Variants in ANKRD11 observed in about 807,000 individuals in gnomAD.
ANKRD11 encodes the protein ankyrin repeat domain 11, also known as ankyrin repeat domain-containing protein 11.
A neutral mutation model predicts 195.7 loss-of-function variants in ANKRD11; 17 were observed. The ratio of observed to expected loss-of-function variants is 0.09; its 90% CI spans 0.06 to 0.13. The LOEUF is 0.13. ANKRD11 is among the 10% of genes least tolerant of loss of function. ANKRD11 has a pLI of 1.00. For synonymous variants in ANKRD11, 1,953 were observed against 1,528.1 expected (o/e 1.28, Z -6.49); for missense variants, 3,735 against 3,566.1 (o/e 1.05, Z -1.21).
intron 2 of ANKRD11, chr16:89,323,657 C>T (rs1010389955): frequency 6.5e-5 from 21 of 320,966 alleles, no homozygotes; most frequent in Non-Finnish European, 8.4e-5. Flanking sequence ...CAGGCCCTCC[C>T]GCACACCGCC....
chr16:89,478,398 A>G (rs1437323421), intron 1 of ANKRD11, among the ~76,000 whole-genome samples: 2 of 152,060 alleles, frequency 1.3e-5, no homozygotes, highest in African/African-American at 4.8e-5. Flanking sequence ...TCATAGGAAA[A>G]AAGATCCCTC....
intron 2 of ANKRD11, among the ~76,000 whole-genome samples, chr16:89,398,999 A>G (rs572340903): frequency 1.3e-5 from 2 of 152,272 alleles, no homozygotes; most frequent in Admixed American, 1.3e-4. Flanking sequence ...TCAGTTTTTT[A>G]AAATTGTTAA....
chr16:89,447,097 G>A, intron 1 of ANKRD11, among the ~76,000 whole-genome samples: 1 of 152,006 alleles, frequency 6.6e-6, no homozygotes. Flanking sequence ...GCACGTGACT[G>A]CATGACCCCC....
At chr16:89,381,593 T>C (rs111742532) in intron 2 of ANKRD11, among the ~76,000 whole-genome samples, 2 of 152,178 alleles carry the variant, frequency 1.3e-5, no homozygotes, top group African/African-American at 2.4e-5. Flanking sequence ...GATGATACGC[T>C]TTCCAACAAG....
chr16:89,394,917 A>G (rs1472783864), intron 2 of ANKRD11, among the ~76,000 whole-genome samples: 1 of 152,224 alleles, frequency 6.6e-6, no homozygotes, highest in Non-Finnish European at 1.5e-5. Flanking sequence ...TTTGCAGCCA[A>G]TTCAGAGGCG....
chr16:89,316,591 A>C (rs566549418), intron 3 of ANKRD11, among the ~76,000 whole-genome samples: 1 of 152,376 alleles, frequency 6.6e-6, no homozygotes, highest in East Asian at 1.9e-4. Flanking sequence ...CATTGCTTGC[A>C]GTCAGGATAT....
Position 89,281,883 on chromosome 16 carries a change from A to G in ANKRD11, c.4659T>C (p.Asp1553=). 6.2e-7 allele frequency: 1 copy of G among 1,613,740 alleles called. No individual in the cohort carries two copies. Among genetic ancestry groups the G allele is most frequent in the Non-Finnish European group, 8.5e-7 (1 of 1,179,982 alleles). ...GDPVKMSNGN[D]KVAPSKDPGK... The stretch of plus-strand genomic sequence containing the variant: ...CTGGGTCTTTGGATGGCGCTACCTT[A>G]TCATTCCCGTTGCTCATCTTCACTG... Residue 1553 remains aspartate, a synonymous_variant, in exon 9 of 13, where the codon GAT becomes GAC. Coordinates refer to ENST00000301030, the MANE Select transcript of ANKRD11 (RefSeq NM_013275.6). The surrounding 1 kb of genome is among the most constrained non-coding windows in gnomAD (Gnocchi z 5.5).
intron 2 of ANKRD11, among the ~76,000 whole-genome samples, chr16:89,347,793 A>T (rs1424340507): frequency 1.3e-5 from 2 of 152,192 alleles, no homozygotes; most frequent in East Asian, 3.8e-4. Flanking sequence ...GGCATCTCCA[A>T]CATTAGGAAA....
chr16:89,436,180 G>A (rs981560804), intron 1 of ANKRD11, among the ~76,000 whole-genome samples: 3 of 152,054 alleles, frequency 2.0e-5, no homozygotes, highest in Admixed American at 6.6e-5. Flanking sequence ...TTTAGGAGAC[G>A]GAGATGGGTG....
chr16:89,458,642 T>C (rs1345755809), intron 1 of ANKRD11, among the ~76,000 whole-genome samples: 1 of 152,250 alleles, frequency 6.6e-6, no homozygotes, highest in East Asian at 1.9e-4. Flanking sequence ...AGTTCAGACA[T>C]GTTCCATTAA....
chr16:89,278,617 G>A, intron 9 of ANKRD11: 1 of 459,480 alleles, frequency 2.2e-6, no homozygotes, highest in Non-Finnish European at 4.4e-6. Context: ...GCCCAAGGGA[G>A]GAGGTGGGGG....
chr16:89,432,166 C>T (rs1567797024), intron 1 of ANKRD11, among the ~76,000 whole-genome samples: 3 of 151,748 alleles, frequency 2.0e-5, no homozygotes. Flanking sequence ...CACTTATTTA[C>T]ACCTCAGTCT....
intron 2 of ANKRD11, among the ~76,000 whole-genome samples, chr16:89,352,299 C>T (rs1044741444): frequency 2.0e-5 from 3 of 151,960 alleles, no homozygotes; most frequent in African/African-American, 7.3e-5. Flanking sequence ...GTATGCATCA[C>T]GCCACGCGGT....
At chr16:89,436,608 C>T (rs943865891) in intron 1 of ANKRD11, among the ~76,000 whole-genome samples, 1 of 152,150 alleles carries the variant, frequency 6.6e-6, no homozygotes, top group Non-Finnish European at 1.5e-5. Context: ...GAAATGAAGA[C>T]GCAGGGGCAT....
At chr16:89,385,349 G>C (rs926539746) in intron 2 of ANKRD11, among the ~76,000 whole-genome samples, 1 of 151,638 alleles carries the variant, frequency 6.6e-6, no homozygotes, top group Non-Finnish European at 1.5e-5. Context: ...GGCTGGTCTC[G>C]AACTCCTGAC....
At chr16:89,441,736 C>T (rs1432143685) in intron 1 of ANKRD11, among the ~76,000 whole-genome samples, 1 of 128,290 alleles carries the variant, frequency 7.8e-6, no homozygotes, top group Non-Finnish European at 1.6e-5. Context: ...CACTGCACTC[C>T]AGCCTGGGCA....
intron 2 of ANKRD11, among the ~76,000 whole-genome samples, chr16:89,407,280 T>C (rs189736052): frequency 6.6e-6 from 1 of 151,634 alleles, no homozygotes; most frequent in East Asian, 1.9e-4. Flanking sequence ...AAAAGACTCA[T>C]ATTTTTATAT....
At position 89,490,540 on chromosome 16, in the gene ANKRD11, G is replaced by A. The variant is rs1280712275; in HGVS notation, c.-440C>T. On this transcript the variant is annotated 5_prime_UTR_variant, in exon 1 of 13. Coordinates refer to ENST00000301030, the MANE Select transcript of ANKRD11 (RefSeq NM_013275.6). ...CCGGCTGGGGCCCTCGGTCCATCGCGCACCGTCTCAGGGCGGCCTCTGGCT... is the reference window on the plus strand; with the variant it reads ...CCGGCTGGGGCCCTCGGTCCATCGCACACCGTCTCAGGGCGGCCTCTGGCT... The A allele has an allele frequency of 4.4e-6, 2 of 456,794 alleles. No individual in the cohort carries two copies. The highest frequency in any genetic ancestry group is 3.8e-5 in the South Asian group (1 of 26,446). 28.3% of individuals were successfully genotyped at this position (456,794 alleles called of 1,614,324 possible). A position where few individuals can be genotyped will look rare whatever the true frequency, so the allele number is the denominator to read the frequency against.
rs2034146256 is a variant in ANKRD11, at chr16:89,280,707, C to G, written c.5835G>C (p.Glu1945Asp). 6.2e-7 allele frequency: 1 copy of G among 1,613,260 alleles called. No individual in the cohort carries two copies. Among genetic ancestry groups the G allele is most frequent in the African/African-American group, 1.3e-5 (1 of 74,904 alleles). ...AGGGGTGGGCCCACTCAACGGGCTC[C>G]TCGGTGATGACGGCGCTGAAGGGAC... ...DEGPFSAVIT[E>D]EPVEWAHPSE... The change falls in exon 9 of 13, where the codon GAG becomes GAC. Residue 1945 changes from glutamate to aspartate, a missense_variant. Physicochemically the swap from Glu to Asp is conservative, Grantham distance 45. Transcript: ENST00000301030.
Sources: allele counts gnomAD v4.1 joint callset (sites outside exome capture counted in the v4.1 genomes callset), GRCh38; gene constraint gnomAD v4.1.1; non-coding constraint Gnocchi (gnomAD v3.1); transcripts MANE v1.5; gene names NCBI Gene and HGNC (gene_info 2026-07-23, HGNC 2026-07-21).